The following BIRC6 variants were observed in gnomAD, a reference collection of about 807,000 sequenced individuals.
The protein encoded by BIRC6 is baculoviral IAP repeat containing 6, also known as dual E2 ubiquitin-conjugating enzyme/E3 ubiquitin-protein ligase BIRC6.
In BIRC6, 98 loss-of-function variants were observed where a neutral mutation model predicts 503.3. The observed-to-expected ratio is 0.19, with a 90% CI of 0.17 to 0.23. BIRC6 has a LOEUF of 0.23. Ranked by LOEUF, BIRC6 falls within the 10% of genes least tolerant of loss-of-function variation. The probability of loss-of-function intolerance (pLI) is 1.00; values close to 1 mark genes in which losing one functional copy is unlikely to be tolerated. For missense variants in BIRC6, 5,360 were observed against 5,806.0 expected (o/e 0.92, Z 2.50); for synonymous variants, 2,240 against 2,078.7 (o/e 1.08, Z -2.11).
At chr2:32,612,456 A>G (rs1263410378) in intron 73 of BIRC6, among the ~76,000 whole-genome samples, 1 of 151,964 alleles carries the variant, frequency 6.6e-6, no homozygotes, top group African/African-American at 2.4e-5. Context: ...TCCTCCACCA[A>G]TATCCTCCCT....
At chr2:32,465,832 G>A (rs2048484630) in intron 26 of BIRC6, among the ~76,000 whole-genome samples, 1 of 152,194 alleles carries the variant, frequency 6.6e-6, no homozygotes, top group African/African-American at 2.4e-5. Context: ...GAATTAAATA[G>A]TATTTGCGTT....
In BIRC6 at chr2:32,477,426, A is replaced by G. The variant is rs761657498; in HGVS notation, c.6911A>G (p.Asp2304Gly). The G allele has an allele frequency of 1.2e-6, 2 of 1,614,026 alleles. No homozygotes were observed. The highest frequency in any genetic ancestry group is 2.2e-5 in the South Asian group (2 of 91,078). Residue 2304 changes from aspartate (D) to glycine (G), a missense_variant, in exon 35 of 74, where the codon GAC becomes GGC. Physicochemically the swap from Asp to Gly is moderately conservative, Grantham distance 94. Coordinates refer to ENST00000421745, the MANE Select transcript of BIRC6 (RefSeq NM_016252.4). ...RTAEWSRSNLDTEVTTAKESP... is the reference protein window; with the variant it reads ...RTAEWSRSNLGTEVTTAKESP... ...GCAGAATGGTCCCGTTCTAATTTAG[A>G]CACAGAAGTTACAACAGCAAAAGAA...
chr2:32,433,782 T>G lies in BIRC6; in HGVS notation c.3387T>G (p.Ala1129=), dbSNP rs1340070652. The change falls in exon 13 of 74, where the codon GCT becomes GCG. Residue 1129 remains alanine (A), a synonymous_variant. Coordinates refer to ENST00000421745, the MANE Select transcript of BIRC6 (RefSeq NM_016252.4). ...AAGTGACACTGCTGAAAAATAAAGC[T>G]CCAGGATTAGGGAAAGTCAATGGTA... The part of the protein sequence containing the change: ...QIQVTLLKNK[A]PGLGKVNALN... 6.3e-7 allele frequency: 1 copy of G among 1,576,500 alleles called. No homozygotes were observed. Among genetic ancestry groups the G allele is most frequent in the South Asian group, 1.2e-5 (1 of 86,876 alleles).
At chr2:32,416,203 T>TA in intron 10 of BIRC6, 40 bp downstream of exon 10, 1 of 1,515,658 alleles carries the variant, frequency 6.6e-7, no homozygotes, top group Non-Finnish European at 8.9e-7. Flanking sequence ...ATAAAATCCA[T>TA]GTATATATGG....
intron 3 of BIRC6, among the ~76,000 whole-genome samples, chr2:32,380,626 T>A (rs1002224381): frequency 3.9e-5 from 6 of 152,092 alleles, no homozygotes; most frequent in African/African-American, 1.4e-4. Context: ...ACTTGGAGGC[T>A]GAGACATGAG....
At chr2:32,397,748 C>T (rs535193623) in intron 6 of BIRC6, among the ~76,000 whole-genome samples, 1 of 150,716 alleles carries the variant, frequency 6.6e-6, no homozygotes, top group African/African-American at 2.4e-5. Flanking sequence ...TTTTTTAGGT[C>T]CCTATGCCAA....
intron 10 of BIRC6, among the ~76,000 whole-genome samples, chr2:32,419,732 A>G (rs1390282592): frequency 6.6e-6 from 1 of 152,220 alleles, no homozygotes; most frequent in Non-Finnish European, 1.5e-5. Flanking sequence ...TAAAGCCTAT[A>G]TACCTGTACT....
rs983408117 is a variant in BIRC6 at position 32,441,452 on chromosome 2, T to C, written c.3934T>C (p.Ser1312Pro). 11 of 1,609,238 alleles carry C rather than the reference T, an allele frequency of 6.8e-6. No individual in the cohort carries two copies. Among genetic ancestry groups the C allele is most frequent in the Non-Finnish European group, 9.3e-6 (11 of 1,176,860 alleles). The change falls in exon 17 of 74, where the codon TCT becomes CCT. Residue 1312 changes from serine (S) to proline (P), a missense_variant. Around this residue, in one of 16 missense-constraint regions of BIRC6, gnomAD observed 2,299 missense variants for 2,267.2 expected, o/e 1.01. Coordinates refer to ENST00000421745, the MANE Select transcript of BIRC6 (RefSeq NM_016252.4). ...TIRRFKKTSI[S>P]KERVQRCAML... ...TCGAAGATTTAAGAAAACCTCAATT[T>C]CTAAGGAAAGGTAATTTCATTGCAT...
chr2:32,427,741 T>G (rs896277833), intron 10 of BIRC6, among the ~76,000 whole-genome samples: 2 of 151,006 alleles, frequency 1.3e-5, no homozygotes, highest in Non-Finnish European at 3.0e-5. Context: ...CATTTTCAGG[T>G]GTGTGTGTGT....
intron 1 of BIRC6, among the ~76,000 whole-genome samples, chr2:32,372,390 T>C (rs977028086): frequency 1.5e-4 from 23 of 152,226 alleles, no homozygotes; most frequent in Non-Finnish European, 3.2e-4. Context: ...AATGTAATCA[T>C]TCAGTATGTA....
chr2:32,392,622 A>G (rs2039370987), intron 5 of BIRC6, among the ~76,000 whole-genome samples: 1 of 151,990 alleles, frequency 6.6e-6, no homozygotes, highest in African/African-American at 2.4e-5. Context: ...AAAAACAATT[A>G]TTTTTATTTT....
intron 65 of BIRC6, 101 bp from the exon 66 acceptor site, chr2:32,575,055 C>G (rs1161112084): frequency 7.8e-7 from 1 of 1,278,544 alleles, no homozygotes; most frequent in African/African-American, 1.5e-5. Context: ...GCCGGGTCAG[C>G]TGTGGACCTT....
At chr2:32,413,894 G>A (rs2042153166) in intron 9 of BIRC6, among the ~76,000 whole-genome samples, 1 of 152,078 alleles carries the variant, frequency 6.6e-6, no homozygotes, top group African/African-American at 2.4e-5. Flanking sequence ...CTACTACAAT[G>A]TAAATACTGA....
At chr2:32,365,509 C>A (rs569819448) in intron 1 of BIRC6, among the ~76,000 whole-genome samples, 1 of 152,202 alleles carries the variant, frequency 6.6e-6, no homozygotes, top group South Asian at 2.1e-4. Context: ...TTAGTAGAGA[C>A]AGGGTTTCAC....
chr2:32,487,570 A>T, intron 40 of BIRC6, 77 bp from the exon 41 acceptor site: 1 of 1,306,950 alleles, frequency 7.7e-7, no homozygotes, highest in Non-Finnish European at 1.1e-6. Flanking sequence ...AATTTAACCT[A>T]TTTATACATA....
intron 57 of BIRC6, 125 bp downstream of exon 57, chr2:32,519,071 A>G: frequency 1.1e-5 from 10 of 924,452 alleles, no homozygotes; most frequent in Non-Finnish European, 1.6e-5. Flanking sequence ...AAAGTTCAAG[A>G]CATCTTTATA....
rs955403615 is a variant in BIRC6 at position 32,542,541 on chromosome 2, A to G, written c.12292-700A>G. 3.9e-5 allele frequency among the ~76,000 whole-genome samples: 6 copies of G among 152,258 alleles called. No individual in the cohort carries two copies. In the South Asian group the frequency reaches 1.0e-3, roughly 26 times the overall value. On this transcript the variant is annotated intron_variant, in intron 61 of 73. Transcript: ENST00000421745. ...TATTTTTCCTTATAGCTTGGTGCCA[A>G]CTAATAAATGTAGAAAGAATGACAG...
At chr2:32,397,649 C>T (rs2040092729) in intron 6 of BIRC6, among the ~76,000 whole-genome samples, 1 of 144,364 alleles carries the variant, frequency 6.9e-6, no homozygotes, top group Non-Finnish European at 1.5e-5. Context: ...TACACACACA[C>T]ACACATATAT....
In BIRC6 at chr2:32,547,962, A is replaced by G; in HGVS notation, c.12923A>G (p.Gln4308Arg). The G allele has an allele frequency of 1.9e-6, 3 of 1,613,202 alleles. No individual in the cohort carries two copies. The highest frequency in any genetic ancestry group is 2.5e-6 in the Non-Finnish European group (3 of 1,179,596). ...ACAGCTTCTGGGTGGGATGTGGAAC[A>G]AGCCTTAACTAAGCAAAGGCTGGAA... ...GSTASGWDVE[Q>R]ALTKQRLEEE... The change falls in exon 64 of 74, where the codon CAA becomes CGA. Residue 4308 changes from glutamine to arginine, a missense_variant. Physicochemically the swap from Gln to Arg is conservative, Grantham distance 43. Around this residue, in one of 16 missense-constraint regions of BIRC6, gnomAD observed 477 missense variants for 574.4 expected, o/e 0.83. Coordinates refer to ENST00000421745, the MANE Select transcript of BIRC6 (RefSeq NM_016252.4).
Sources: gnomAD v4.1 joint callset for allele counts (sites outside exome capture counted in the v4.1 genomes callset) on GRCh38, gnomAD v4.1.1 for gene constraint, gnomAD v4.1.1 regional missense constraint, MANE v1.5 for transcripts, NCBI Gene and HGNC (gene_info 2026-07-23, HGNC 2026-07-21) for gene names.